ZNF222: variants seen among roughly 807,000 people sequenced by gnomAD.
ZNF222 encodes the protein zinc finger protein 222.
Under a neutral mutation model 11.6 loss-of-function variants are expected in ZNF222, and 8 were observed. The observed-to-expected ratio is 0.69, with a 90% confidence interval of 0.41 to 1.25. The LOEUF is 1.25. ZNF222 is among the 50% of genes most tolerant of loss of function. The pLI is 0.01. For missense variants in ZNF222, 483 were observed against 576.1 expected, an observed-to-expected ratio of 0.84 and a Z score of 1.65; for synonymous variants, 171 against 195.6, an observed-to-expected ratio of 0.87 and a Z score of 1.05.
chr19:44,032,252 G>C lies in ZNF222; in HGVS notation c.698G>C (p.Arg233Thr), dbSNP rs750549829. The C allele has an allele frequency of 1.2e-5, 19 of 1,614,224 alleles. No individual in the cohort carries two copies. Among genetic ancestry groups the C allele is most frequent in the Admixed American group, 1.0e-4 (6 of 60,030 alleles). The change falls in exon 4 of 4, where the codon AGA (arginine) becomes ACA (threonine). Residue 233 changes from arginine to threonine, a missense_variant. Arg to Thr is a moderately conservative substitution (Grantham distance 71). Coordinates refer to ENST00000391960, the MANE Select transcript of ZNF222 (RefSeq NM_001129996.2). ...SQSSRLQTHQ[R>T]VHTGEKPFKC... ...AGCTCACGTCTGCAAACTCATCAAA[G>C]AGTCCACACTGGAGAGAAACCATTC...
intron 3 of ZNF222, 121 bp downstream of exon 3, chr19:44,027,611 T>C: frequency 2.2e-6 from 2 of 929,512 alleles, no homozygotes; most frequent in East Asian, 2.7e-5. Context: ...GCCTTCTCCC[T>C]GCTGATGCCC....
At chr19:44,031,791 C>G in intron 3 of ZNF222, 26 bp from the exon 4 acceptor site, 1 of 1,598,860 alleles carries the variant, frequency 6.3e-7, no homozygotes, top group Non-Finnish European at 8.5e-7. Flanking sequence ...TACTTGTCCA[C>G]ATGTCTTAAT....
chr19:44,028,395 AG>A, intron 3 of ZNF222: 1 of 396,280 alleles, frequency 2.5e-6, no homozygotes, highest in East Asian at 3.6e-5. Flanking sequence ...CTACTACAAA[AG>A]CTTCTGCCTC....
chr19:44,032,381 A>C lies in ZNF222; in HGVS notation c.827A>C (p.Lys276Thr), dbSNP rs562330591. 1 of 1,614,232 alleles carries C rather than the reference A, an allele frequency of 6.2e-7. No homozygotes were observed. The highest frequency in any genetic ancestry group is 2.2e-5 in the East Asian group (1 of 44,884). ...CCTTATAATTGTGAGAAATGTGGGA[A>C]GGCTTTCATGCACAATTTCCAGCTT... The part of the protein sequence containing the change: ...EKPYNCEKCG[K>T]AFMHNFQLQK... The change falls in exon 4 of 4, where the codon AAG (lysine) becomes ACG (threonine). Residue 276 changes from lysine to threonine, a missense_variant. Coordinates refer to ENST00000391960, the MANE Select transcript of ZNF222 (RefSeq NM_001129996.2).
At position 44,032,506 on chromosome 19, in the gene ZNF222, G is replaced by A; in HGVS notation, c.952G>A (p.Val318Ile). The change falls in exon 4 of 4, where the codon GTC (valine) becomes ATC (isoleucine). Residue 318 changes from valine to isoleucine, a missense_variant. Val to Ile is a conservative substitution (Grantham distance 29, BLOSUM62 3). Transcript: ENST00000391960. ...GTCAAGTCTTAATAGGCATTGCATGGTCCACACAGCAGAGAAACTGTACAA... is the reference window on the plus strand; with the variant it reads ...GTCAAGTCTTAATAGGCATTGCATGATCCACACAGCAGAGAAACTGTACAA... ...LRSSLNRHCMVHTAEKLYKSE... is the reference protein window; with the variant it reads ...LRSSLNRHCMIHTAEKLYKSE... 5 of 1,614,182 alleles carry A rather than the reference G, an allele frequency of 3.1e-6. No individual in the cohort carries two copies. The highest frequency in any genetic ancestry group is 4.2e-6 in the Non-Finnish European group (5 of 1,180,038).
intron 3 of ZNF222, among the ~76,000 whole-genome samples, chr19:44,031,487 T>C (rs984920776): frequency 4.6e-5 from 7 of 152,144 alleles, no homozygotes; most frequent in Admixed American, 4.6e-4. Context: ...TTTTGTTTTG[T>C]TTTGTTTTGT....
At chr19:44,027,196 G>A (rs772511313) in intron 2 of ZNF222, 47 bp downstream of exon 2, 3 of 1,607,268 alleles carry the variant, frequency 1.9e-6, no homozygotes, top group Non-Finnish European at 2.5e-6. Context: ...CCCAGGAGTG[G>A]TTTTTTAATC....
intron 3 of ZNF222, 42 bp downstream of exon 3, chr19:44,027,532 T>C (rs1038254736): frequency 6.3e-7 from 1 of 1,576,472 alleles, no homozygotes; most frequent in Non-Finnish European, 8.7e-7. Context: ...GTGATTCCTG[T>C]TACTTCTGTC....
intron 3 of ZNF222, chr19:44,028,159 C>T (rs1195257742): frequency 2.5e-6 from 1 of 399,290 alleles, no homozygotes; most frequent in East Asian, 3.6e-5. Flanking sequence ...CTTCCATAGT[C>T]ATGCTTCCTC....
At chr19:44,028,951 C>CT (rs1976435940) in intron 3 of ZNF222, among the ~76,000 whole-genome samples, 1 of 152,180 alleles carries the variant, frequency 6.6e-6, no homozygotes, top group African/African-American at 2.4e-5. Context: ...CTTTCATATA[C>CT]TTTAAGTCAT....
rs1976533422 is a variant in ZNF222, at chr19:44,032,685, A to T, written c.1131A>T (p.Gly377=). 6.2e-7 allele frequency: 1 copy of T among 1,614,126 alleles called. No individual in the cohort carries two copies. The change falls in exon 4 of 4, where the codon GGA becomes GGT. Residue 377 remains glycine (G), a synonymous_variant. Transcript: ENST00000391960. ...TGGTCCATCAACGAGTCCACACTGG[A>T]GAAAAGCCATACAAATGTGAGGAGT... ...YLLVHQRVHT[G]EKPYKCEECG...
chr19:44,030,545 G>A (rs780902752), intron 3 of ZNF222, among the ~76,000 whole-genome samples: 7 of 152,138 alleles, frequency 4.6e-5, no homozygotes, highest in Non-Finnish European at 7.4e-5. Flanking sequence ...GATTCTTACA[G>A]GGAAAACATG....
chr19:44,032,090 A>G lies in ZNF222; in HGVS notation c.536A>G (p.Tyr179Cys). Residue 179 changes from tyrosine to cysteine, a missense_variant, in exon 4 of 4, where the codon TAT becomes TGT. By Grantham distance (194) the Tyr-to-Cys change is radical. Transcript: ENST00000391960. ...VSFFDLPQQL[Y>C]SGEKSHTCDE... ...TTCTTTGATCTTCCTCAGCAGTTATATTCAGGAGAGAAGTCTCATACCTGT... is the reference window on the plus strand; with the variant it reads ...TTCTTTGATCTTCCTCAGCAGTTATGTTCAGGAGAGAAGTCTCATACCTGT... 6.2e-7 allele frequency: 1 copy of G among 1,614,234 alleles called. No homozygotes were observed. Among genetic ancestry groups the G allele is most frequent in the Non-Finnish European group, 8.5e-7 (1 of 1,180,046 alleles).
At chr19:44,026,953 C>A (rs1976386531) in intron 1 of ZNF222, 70 bp from the exon 2 acceptor site, 2 of 1,599,154 alleles carry the variant, frequency 1.3e-6, no homozygotes, top group African/African-American at 2.7e-5. Context: ...TCCCTTGTGC[C>A]AGTGCAATGC....
chr19:44,029,091 A>G (rs981550050), intron 3 of ZNF222, among the ~76,000 whole-genome samples: 2 of 152,000 alleles, frequency 1.3e-5, no homozygotes, highest in African/African-American at 2.4e-5. Flanking sequence ...TTTTTTTCCA[A>G]ATACTTCTGA....
intron 1 of ZNF222, among the ~76,000 whole-genome samples, chr19:44,026,770 A>G (rs529815670): frequency 6.6e-6 from 1 of 152,278 alleles, no homozygotes; most frequent in African/African-American, 2.4e-5. Context: ...ATAGCATCTC[A>G]GTAAATGTCC....
intron 1 of ZNF222, among the ~76,000 whole-genome samples, chr19:44,026,689 G>A (rs942097805): frequency 4.0e-5 from 6 of 151,856 alleles, no homozygotes; most frequent in African/African-American, 1.2e-4. Context: ...CAAAGGGCCC[G>A]CGACTCAAAC....
intron 3 of ZNF222, among the ~76,000 whole-genome samples, chr19:44,030,740 T>C (rs938460872): frequency 7.2e-5 from 11 of 152,186 alleles, no homozygotes. Context: ...CCAGAGTAAT[T>C]ACTGGGGCTC....
intron 3 of ZNF222, chr19:44,030,842 A>C (rs1022543360): frequency 3.9e-5 from 6 of 152,198 alleles, no homozygotes; most frequent in Non-Finnish European, 8.8e-5. Flanking sequence ...CCCTTCCATG[A>C]ATCACACTGA....
Sources: gnomAD v4.1 joint callset for allele counts (sites outside exome capture counted in the v4.1 genomes callset) on GRCh38, gnomAD v4.1.1 for gene constraint, MANE v1.5 for transcripts, NCBI Gene and HGNC (gene_info 2026-07-23, HGNC 2026-07-21) for gene names.